The following TEK variants were observed in gnomAD, a reference collection of about 807,000 sequenced individuals.
The protein encoded by TEK is TEK receptor tyrosine kinase.
Under a neutral mutation model 131.8 loss-of-function variants are expected in TEK, and 43 were observed. The observed-to-expected ratio is 0.33, with a 90% CI of 0.26 to 0.42. TEK has a LOEUF of 0.42. Among genes scored for constraint, TEK ranks in the 10% least tolerant of loss-of-function variants. The pLI is 1.00. For missense variants in TEK, 1,162 were observed against 1,384.4 expected (o/e 0.84, Z 2.55); for synonymous variants, 580 against 491.6 (o/e 1.18, Z -2.38).
At chr9:27,208,972 C>G (rs1825502330) in intron 15 of TEK, 149 bp from the exon 16 acceptor site, 1 of 681,996 alleles carries the variant, frequency 1.5e-6, no homozygotes, top group African/African-American at 1.8e-5. Context: ...AGTGCCAAGG[C>G]CGAGAAACTC....
At chr9:27,222,400 A>G (rs1302566038) in intron 21 of TEK, among the ~76,000 whole-genome samples, 1 of 152,184 alleles carries the variant, frequency 6.6e-6, no homozygotes, top group African/African-American at 2.4e-5. Flanking sequence ...CAACCCCAAG[A>G]CACATAAATC....
intron 1 of TEK, among the ~76,000 whole-genome samples, chr9:27,120,128 G>C (rs1405321105): frequency 1.3e-5 from 2 of 152,140 alleles, no homozygotes; most frequent in Non-Finnish European, 2.9e-5. Context: ...TGGTGGCAGT[G>C]GTGATTGCTT....
At chr9:27,113,916 C>A (rs1172421519) in intron 1 of TEK, among the ~76,000 whole-genome samples, 1 of 152,194 alleles carries the variant, frequency 6.6e-6, no homozygotes, top group African/African-American at 2.4e-5. Flanking sequence ...TTCCTCTTGG[C>A]TCTTGTTCAT....
chr9:27,215,960 A>T (rs1391965916), intron 18 of TEK, among the ~76,000 whole-genome samples: 1 of 152,196 alleles, frequency 6.6e-6, no homozygotes, highest in East Asian at 1.9e-4. Flanking sequence ...AAGTTGGATG[A>T]GCTGGAGGAC....
intron 2 of TEK, among the ~76,000 whole-genome samples, chr9:27,158,958 C>A (rs939195623): frequency 1.3e-4 from 20 of 152,220 alleles, no homozygotes; most frequent in Non-Finnish European, 2.8e-4. Context: ...CATGCCCGGC[C>A]AGTGTATCAA....
rs1413966096 is a variant in TEK at position 27,109,558 on chromosome 9, T to C, written c.-33T>C. 6.2e-7 allele frequency: 1 copy of C among 1,613,678 alleles called. No individual in the cohort carries two copies. The highest frequency in any genetic ancestry group is 2.2e-5 in the East Asian group (1 of 44,878). ...AGGATCCTTGGGACCTCATGCACAT[T>C]TGTGGAAACTGGATGGAGAGATTTG... is the stretch of plus-strand genomic sequence containing the variant. On this transcript the variant is annotated 5_prime_UTR_variant, in exon 1 of 23. Transcript: ENST00000380036.
In TEK at chr9:27,229,234, A is replaced by T. The variant is rs1826466015; in HGVS notation, c.*2A>T. 2.5e-6 allele frequency: 4 copies of T among 1,613,578 alleles called. No individual in the cohort carries two copies. In the African/African-American group the frequency reaches 5.3e-5, roughly 22 times the overall value. On this transcript the variant is annotated 3_prime_UTR_variant, in exon 23 of 23. Transcript: ENST00000380036. ...TGTTCTGCTGAAGAAGCGGCCTAGGACAGAACATCTGTATACCCTCTGTTT... is the reference window on the plus strand; with the variant it reads ...TGTTCTGCTGAAGAAGCGGCCTAGGTCAGAACATCTGTATACCCTCTGTTT...
intron 4 of TEK, among the ~76,000 whole-genome samples, chr9:27,170,879 G>A (rs1010393302): frequency 2.0e-5 from 3 of 152,138 alleles, no homozygotes; most frequent in African/African-American, 7.2e-5. Flanking sequence ...CACGTTACAG[G>A]CACTAGAAGC....
intron 21 of TEK, among the ~76,000 whole-genome samples, chr9:27,221,707 G>T (rs757443349): frequency 1.3e-5 from 2 of 152,138 alleles, no homozygotes; most frequent in Non-Finnish European, 2.9e-5. Context: ...AAACAGAAAG[G>T]AATAGTATCA....
chr9:27,199,188 G>A (rs560968996), intron 12 of TEK, among the ~76,000 whole-genome samples: 41 of 152,178 alleles, frequency 2.7e-4, no homozygotes, highest in Middle Eastern at 3.4e-3. Flanking sequence ...GAATTTTATC[G>A]ATCCATGTTT....
chr9:27,226,055 A>G (rs999793278), intron 21 of TEK, among the ~76,000 whole-genome samples: 8 of 152,200 alleles, frequency 5.3e-5, no homozygotes, highest in Non-Finnish European at 1.2e-4. Context: ...CAGTTAGAAT[A>G]GCAATCATTA....
Position 27,158,675 on chromosome 9 carries a change from T to TG in TEK, c.364+540dup, listed in dbSNP as rs1402720782. ...CTTTCTTTTCCTTTTTTTTTTTTTTTGGGGGGGTGGAGTCTCACTCTGTCA... is the reference window on the plus strand; with the variant it reads ...CTTTCTTTTCCTTTTTTTTTTTTTTTGGGGGGGGTGGAGTCTCACTCTGTCA... On this transcript the variant is annotated intron_variant, in intron 2 of 22. Transcript: ENST00000380036. Among the ~76,000 whole-genome samples the TG allele has an allele frequency of 2.8e-3, 391 of 139,662 alleles. 2 individuals carry two copies. The highest frequency in any genetic ancestry group is 9.8e-3 in the African/African-American group (367 of 37,452). The allele number at this position is 139,662 out of a possible 152,430, so 91.6% of individuals were successfully genotyped here. A position where few individuals can be genotyped will look rare whatever the true frequency, so the allele number is the denominator to read the frequency against.
At chr9:27,141,714 G>T (rs1412820903) in intron 1 of TEK, among the ~76,000 whole-genome samples, 1 of 152,090 alleles carries the variant, frequency 6.6e-6, no homozygotes, top group African/African-American at 2.4e-5. Flanking sequence ...GACTGACAAG[G>T]ATGCTAGTCA....
chr9:27,218,698 T>C, intron 19 of TEK, 79 bp from the exon 20 acceptor site: 2 of 1,472,850 alleles, frequency 1.4e-6, no homozygotes, highest in Non-Finnish European at 1.9e-6. Context: ...AAAGGGTGGG[T>C]CTCCCTGGCT....
chr9:27,124,066 G>T (rs935822223), intron 1 of TEK, among the ~76,000 whole-genome samples: 1 of 152,220 alleles, frequency 6.6e-6, no homozygotes, highest in Non-Finnish European at 1.5e-5. Flanking sequence ...GTGAGCCACC[G>T]CAGCTGGCGA....
At chr9:27,123,837 C>T (rs1821889672) in intron 1 of TEK, among the ~76,000 whole-genome samples, 1 of 152,218 alleles carries the variant, frequency 6.6e-6, no homozygotes, top group Non-Finnish European at 1.5e-5. Flanking sequence ...AGTGCAATGG[C>T]ATGATTTCGG....
intron 1 of TEK, among the ~76,000 whole-genome samples, chr9:27,110,226 T>G (rs1405534149): frequency 2.0e-5 from 3 of 152,086 alleles, no homozygotes; most frequent in Admixed American, 6.6e-5. Context: ...TTAGAATTTT[T>G]GTTTTATTTT....
At chr9:27,146,230 T>C (rs1822913838) in intron 1 of TEK, among the ~76,000 whole-genome samples, 1 of 152,238 alleles carries the variant, frequency 6.6e-6, no homozygotes, top group South Asian at 2.1e-4. Flanking sequence ...GCCATATCTT[T>C]GCATATTTTT....
At chr9:27,200,348 G>A (rs949073104) in intron 12 of TEK, among the ~76,000 whole-genome samples, 5 of 152,154 alleles carry the variant, frequency 3.3e-5, no homozygotes, top group Admixed American at 1.3e-4. Flanking sequence ...ATCCTCATTA[G>A]AATGATACAC....
Sources: gnomAD v4.1 joint callset for allele counts (sites outside exome capture counted in the v4.1 genomes callset) on GRCh38, gnomAD v4.1.1 for gene constraint, MANE v1.5 for transcripts, NCBI Gene and HGNC (gene_info 2026-07-23, HGNC 2026-07-21) for gene names.